H2BC7: variants seen among roughly 807,000 people sequenced by gnomAD.
The protein encoded by H2BC7 is H2B clustered histone 7.
H2BC7 carries 15 observed loss-of-function variants against 6.0 expected under a neutral mutation model. That is an observed-to-expected ratio of 2.48 (90% CI 1.66 to 3.82). H2BC7 has a LOEUF of 3.82. Among genes scored for constraint, H2BC7 ranks in the 30% most tolerant of loss-of-function variants. The pLI, the probability that H2BC7 is intolerant of heterozygous loss-of-function variation, is 0.00. For missense variants in H2BC7, 227 were observed against 169.4 expected (o/e 1.34, Z -1.89); for synonymous variants, 148 against 70.7 (o/e 2.09, Z -5.49).
rs1360264398 is a variant in H2BC7 at position 26,199,739 on chromosome 6, G to A, written c.181G>A (p.Gly61Ser). The change falls in exon 1 of 1, where the codon GGC (glycine) becomes AGC (serine). Residue 61 changes from glycine to serine, a missense_variant. Transcript: ENST00000356530. ...CACCGGCATCTCATCCAAGGCCATG[G>A]GCATCATGAACTCCTTCGTCAACGA... The part of the protein sequence containing the change: ...PDTGISSKAM[G>S]IMNSFVNDIF... 1 of 1,614,100 alleles carries A rather than the reference G, an allele frequency of 6.2e-7. No homozygotes were observed. The highest frequency in any genetic ancestry group is 1.3e-5 in the African/African-American group (1 of 74,938).
rs367933132 is a variant in H2BC7 at position 26,199,750 on chromosome 6, C to G, written c.192C>G (p.Asn64Lys). 6.2e-7 allele frequency: 1 copy of G among 1,614,270 alleles called. No homozygotes were observed. Among genetic ancestry groups the G allele is most frequent in the Non-Finnish European group, 8.5e-7 (1 of 1,180,044 alleles). The change falls in exon 1 of 1, where the codon AAC (asparagine) becomes AAG (lysine). Residue 64 changes from asparagine (N) to lysine (K), a missense_variant. Coordinates refer to ENST00000356530, the MANE Select transcript of H2BC7 (RefSeq NM_003522.4). ...CATCCAAGGCCATGGGCATCATGAA[C>G]TCCTTCGTCAACGATATCTTCGAGC... ...GISSKAMGIM[N>K]SFVNDIFERI...
rs1023705388 is a variant in H2BC7 at position 26,199,709 on chromosome 6, C to T, written c.151C>T (p.Pro51Ser). 3.1e-6 allele frequency: 5 copies of T among 1,614,254 alleles called. No homozygotes were observed. The highest frequency in any genetic ancestry group is 1.1e-5 in the South Asian group (1 of 91,090). Residue 51 changes from proline (P) to serine (S), a missense_variant, in exon 1 of 1, where the codon CCC (proline) becomes TCC (serine). Pro to Ser is a moderately conservative substitution (Grantham distance 74, BLOSUM62 -1). Transcript: ENST00000356530. ...GTACAAGGTGCTAAAGCAGGTCCAC[C>T]CCGACACCGGCATCTCATCCAAGGC... ...YVYKVLKQVH[P>S]DTGISSKAMG... is the part of the protein sequence containing the mutation.
Position 26,199,528 on chromosome 6 carries a change from C to T in H2BC7, c.-31C>T, listed in dbSNP as rs767563869. On this transcript the variant is annotated 5_prime_UTR_variant, in exon 1 of 1. Coordinates refer to ENST00000356530, the MANE Select transcript of H2BC7 (RefSeq NM_003522.4). ...GCAGAGTGAGGACACTTGCATTTCT[C>T]TTTAGGTTGTGGACGAAGTGTTTAT... 5.6e-6 allele frequency: 9 copies of T among 1,604,464 alleles called. No homozygotes were observed. The highest frequency in any genetic ancestry group is 4.4e-5 in the South Asian group (4 of 89,936).
chr6:26,199,600 C>T lies in H2BC7; in HGVS notation c.42C>T (p.Gly14=), dbSNP rs774190934. Residue 14 remains glycine (G), a synonymous_variant, in exon 1 of 1, where the codon GGC becomes GGT. Coordinates refer to ENST00000356530, the MANE Select transcript of H2BC7 (RefSeq NM_003522.4). Reference sequence around the variant, plus strand: ...AGTCCGCTCCTGCTCCAAAAAAGGGCTCCAAAAAGGCGGTGACCAAGGCGC... The same window carrying T: ...AGTCCGCTCCTGCTCCAAAAAAGGGTTCCAAAAAGGCGGTGACCAAGGCGC... ...PAKSAPAPKK[G]SKKAVTKAQK... The T allele has an allele frequency of 1.2e-5, 20 of 1,614,160 alleles. No individual in the cohort carries two copies. The South Asian group carries it at 1.5e-4, about 12-fold the overall frequency.
rs778306518 is a variant in H2BC7, at chr6:26,199,624, G to T, written c.66G>T (p.Ala22=). The T allele has an allele frequency of 6.2e-7, 1 of 1,614,234 alleles. No homozygotes were observed. Among genetic ancestry groups the T allele is most frequent in the Non-Finnish European group, 8.5e-7 (1 of 1,180,042 alleles). The change falls in exon 1 of 1, where the codon GCG becomes GCT. Residue 22 remains alanine, a synonymous_variant. Coordinates refer to ENST00000356530, the MANE Select transcript of H2BC7 (RefSeq NM_003522.4). ...GCTCCAAAAAGGCGGTGACCAAGGC[G>T]CAGAAGAAGGATGGTAAGAAGCGCA... The part of the protein sequence containing the change: ...KKGSKKAVTK[A]QKKDGKKRKR...
In H2BC7 at chr6:26,199,799, C is replaced by T. The variant is rs1765091408; in HGVS notation, c.241C>T (p.Leu81=). ...FERIAGEASR[L]AHYNKRSTIT... ...GCGCATCGCTGGCGAGGCTTCCCGC[C>T]TGGCGCATTACAACAAGCGCTCCAC... The change falls in exon 1 of 1, where the codon CTG becomes TTG. Residue 81 remains leucine (L), a synonymous_variant. Coordinates refer to ENST00000356530, the MANE Select transcript of H2BC7 (RefSeq NM_003522.4). 2.5e-6 allele frequency: 4 copies of T among 1,614,154 alleles called. No individual in the cohort carries two copies. The highest frequency in any genetic ancestry group is 3.4e-6 in the Non-Finnish European group (4 of 1,180,056).
At position 26,199,768 on chromosome 6, in the gene H2BC7, C is replaced by G; in HGVS notation, c.210C>G (p.Ile70Met). Residue 70 changes from isoleucine to methionine, a missense_variant, in exon 1 of 1, where the codon ATC becomes ATG. Ile to Met is a conservative substitution (Grantham distance 10, BLOSUM62 1). Coordinates refer to ENST00000356530, the MANE Select transcript of H2BC7 (RefSeq NM_003522.4). ...MGIMNSFVND[I>M]FERIAGEASR... ...TCATGAACTCCTTCGTCAACGATAT[C>G]TTCGAGCGCATCGCTGGCGAGGCTT... The G allele has an allele frequency of 1.2e-6, 2 of 1,614,270 alleles. No homozygotes were observed. The highest frequency in any genetic ancestry group is 1.6e-4 in the Middle Eastern group (1 of 6,062).
At position 26,199,962 on chromosome 6, in the gene H2BC7, C is replaced by T. The variant is rs774006930; in HGVS notation, c.*23C>T. On this transcript the variant is annotated 3_prime_UTR_variant, in exon 1 of 1. Coordinates refer to ENST00000356530, the MANE Select transcript of H2BC7 (RefSeq NM_003522.4). ...TAATTCTAACGTCTTCATACCCAAT[C>T]CCAAAGGCTCTTTTAAGAGCCACCC... is the stretch of plus-strand genomic sequence containing the variant. The T allele has an allele frequency of 6.2e-6, 10 of 1,610,126 alleles. No individual in the cohort carries two copies. Among genetic ancestry groups the T allele is most frequent in the African/African-American group, 4.0e-5 (3 of 74,594 alleles).
At position 26,199,640 on chromosome 6, in the gene H2BC7, A is replaced by T. The variant is rs1263306640; in HGVS notation, c.82A>T (p.Lys28Ter). Residue 28 changes from lysine (K) to a stop codon, truncating the protein, a stop_gained, in exon 1 of 1, where the codon AAG (lysine) becomes TAG (stop). Coordinates refer to ENST00000356530, the MANE Select transcript of H2BC7 (RefSeq NM_003522.4). LOFTEE classifies it high-confidence loss of function. ...AVTKAQKKDG[K>*]KRKRSRKESY... ...GACCAAGGCGCAGAAGAAGGATGGT[A>T]AGAAGCGCAAGCGTAGCCGCAAGGA... 6.2e-7 allele frequency: 1 copy of T among 1,614,254 alleles called. No homozygotes were observed. Among genetic ancestry groups the T allele is most frequent in the Admixed American group, 1.7e-5 (1 of 60,026 alleles).
In H2BC7 at chr6:26,199,551, T is replaced by C. The variant is rs769430862; in HGVS notation, c.-8T>C. 9.9e-6 allele frequency: 16 copies of C among 1,610,836 alleles called. No homozygotes were observed. Among genetic ancestry groups the C allele is most frequent in the Non-Finnish European group, 4.2e-6 (5 of 1,179,188 alleles). Reference sequence around the variant, plus strand: ...CTCTTTAGGTTGTGGACGAAGTGTTTATTTATCATGCCTGAACCTGCTAAG... The same window carrying C: ...CTCTTTAGGTTGTGGACGAAGTGTTCATTTATCATGCCTGAACCTGCTAAG... On this transcript the variant is annotated 5_prime_UTR_variant, in exon 1 of 1. Coordinates refer to ENST00000356530, the MANE Select transcript of H2BC7 (RefSeq NM_003522.4).
rs973133533 is a variant in H2BC7, at chr6:26,199,681, C to G, written c.123C>G (p.Tyr41Ter). ...KRSRKESYSV[Y>*]VYKVLKQVHP... ...GCCGCAAGGAGAGCTATTCCGTGTA[C>G]GTGTACAAGGTGCTAAAGCAGGTCC... The change falls in exon 1 of 1, where the codon TAC becomes TAG. Residue 41 changes from tyrosine to a stop codon, truncating the protein, a stop_gained. Coordinates refer to ENST00000356530, the MANE Select transcript of H2BC7 (RefSeq NM_003522.4). LOFTEE classifies it high-confidence loss of function. 6.2e-7 allele frequency: 1 copy of G among 1,614,258 alleles called. No individual in the cohort carries two copies. Among genetic ancestry groups the G allele is most frequent in the African/African-American group, 1.3e-5 (1 of 75,062 alleles).
rs932144912 is a variant in H2BC7, at chr6:26,199,623, C to T, written c.65C>T (p.Ala22Val). 4 of 1,614,114 alleles carry T rather than the reference C, an allele frequency of 2.5e-6. No homozygotes were observed. The highest frequency in any genetic ancestry group is 3.3e-5 in the Admixed American group (2 of 60,006). ...KKGSKKAVTKAQKKDGKKRKR... is the reference protein window; with the variant it reads ...KKGSKKAVTKVQKKDGKKRKR... ...GGCTCCAAAAAGGCGGTGACCAAGGCGCAGAAGAAGGATGGTAAGAAGCGC... is the reference window on the plus strand; with the variant it reads ...GGCTCCAAAAAGGCGGTGACCAAGGTGCAGAAGAAGGATGGTAAGAAGCGC... The change falls in exon 1 of 1, where the codon GCG (alanine) becomes GTG (valine). Residue 22 changes from alanine to valine, a missense_variant. Coordinates refer to ENST00000356530, the MANE Select transcript of H2BC7 (RefSeq NM_003522.4).
In H2BC7 at chr6:26,199,625, C is replaced by G. The variant is rs776577443; in HGVS notation, c.67C>G (p.Gln23Glu). 6.2e-7 allele frequency: 1 copy of G among 1,614,240 alleles called. No homozygotes were observed. The highest frequency in any genetic ancestry group is 8.5e-7 in the Non-Finnish European group (1 of 1,180,036). Residue 23 changes from glutamine to glutamate, a missense_variant, in exon 1 of 1, where the codon CAG becomes GAG. Transcript: ENST00000356530. Reference protein sequence around the residue: ...KGSKKAVTKAQKKDGKKRKRS... With the variant: ...KGSKKAVTKAEKKDGKKRKRS... ...CTCCAAAAAGGCGGTGACCAAGGCG[C>G]AGAAGAAGGATGGTAAGAAGCGCAA... is the stretch of plus-strand genomic sequence containing the variant.
Position 26,199,988 on chromosome 6 carries a change from A to G in H2BC7, c.*49A>G. 1 of 1,600,158 alleles carries G rather than the reference A, an allele frequency of 6.2e-7. No homozygotes were observed. The highest frequency in any genetic ancestry group is 8.5e-7 in the Non-Finnish European group (1 of 1,173,878). Reference sequence around the variant, plus strand: ...CCAAAGGCTCTTTTAAGAGCCACCCACTTTTTCAGCTATAGAGTTGTAATT... The same window carrying G: ...CCAAAGGCTCTTTTAAGAGCCACCCGCTTTTTCAGCTATAGAGTTGTAATT... On this transcript the variant is annotated 3_prime_UTR_variant, in exon 1 of 1. Transcript: ENST00000356530.
In H2BC7 at chr6:26,199,867, G is replaced by T. The variant is rs199603482; in HGVS notation, c.309G>T (p.Leu103=). ...REIQTAVRLL[L]PGELAKHAVS... ...TCCAGACGGCCGTACGCCTGCTGCTGCCCGGGGAGCTGGCTAAGCACGCCG... is the reference window on the plus strand; with the variant it reads ...TCCAGACGGCCGTACGCCTGCTGCTTCCCGGGGAGCTGGCTAAGCACGCCG... Residue 103 remains leucine (L), a synonymous_variant, in exon 1 of 1, where the codon CTG becomes CTT. Coordinates refer to ENST00000356530, the MANE Select transcript of H2BC7 (RefSeq NM_003522.4). 6 of 1,614,134 alleles carry T rather than the reference G, an allele frequency of 3.7e-6. No homozygotes were observed. The highest frequency in any genetic ancestry group is 2.7e-5 in the African/African-American group (2 of 74,952).
Position 26,199,975 on chromosome 6 carries a change from T to C in H2BC7, c.*36T>C, listed in dbSNP as rs771578776. The C allele has an allele frequency of 1.2e-6, 2 of 1,605,352 alleles. No homozygotes were observed. Among genetic ancestry groups the C allele is most frequent in the East Asian group, 2.2e-5 (1 of 44,832 alleles). On this transcript the variant is annotated 3_prime_UTR_variant, in exon 1 of 1. Transcript: ENST00000356530. ...TTCATACCCAATCCCAAAGGCTCTT[T>C]TAAGAGCCACCCACTTTTTCAGCTA...
At position 26,199,594 on chromosome 6, in the gene H2BC7, A is replaced by C. The variant is rs41266807; in HGVS notation, c.36A>C (p.Lys12Asn). 6.2e-7 allele frequency: 1 copy of C among 1,614,054 alleles called. No homozygotes were observed. Among genetic ancestry groups the C allele is most frequent in the Non-Finnish European group, 8.5e-7 (1 of 1,179,986 alleles). ...CTGCTAAGTCCGCTCCTGCTCCAAA[A>C]AAGGGCTCCAAAAAGGCGGTGACCA... Reference protein sequence around the residue: ...PEPAKSAPAPKKGSKKAVTKA... With the variant: ...PEPAKSAPAPNKGSKKAVTKA... The change falls in exon 1 of 1, where the codon AAA becomes AAC. Residue 12 changes from lysine to asparagine, a missense_variant. Coordinates refer to ENST00000356530, the MANE Select transcript of H2BC7 (RefSeq NM_003522.4).
Position 26,199,917 on chromosome 6 carries a change from C to A in H2BC7, c.359C>A (p.Thr120Asn), listed in dbSNP as rs1291633716. ...GTGTCAGAGGGCACCAAGGCCGTCA[C>A]CAAGTACACCAGCTCTAAGTAATTC... is the stretch of plus-strand genomic sequence containing the variant. ...HAVSEGTKAV[T>N]KYTSSK The change falls in exon 1 of 1, where the codon ACC becomes AAC. Residue 120 changes from threonine (T) to asparagine (N), a missense_variant. By Grantham distance (65) the Thr-to-Asn change is moderately conservative. Transcript: ENST00000356530. The A allele has an allele frequency of 6.2e-7, 1 of 1,614,090 alleles. No homozygotes were observed. The highest frequency in any genetic ancestry group is 8.5e-7 in the Non-Finnish European group (1 of 1,180,036).
In H2BC7 at chr6:26,199,633, G is replaced by A. The variant is rs748137020; in HGVS notation, c.75G>A (p.Lys25=). ...SKKAVTKAQK[K]DGKKRKRSRK... ...AGGCGGTGACCAAGGCGCAGAAGAA[G>A]GATGGTAAGAAGCGCAAGCGTAGCC... is the stretch of plus-strand genomic sequence containing the variant. The change falls in exon 1 of 1, where the codon AAG becomes AAA. Residue 25 remains lysine (K), a synonymous_variant. Transcript: ENST00000356530. 3 of 1,614,244 alleles carry A rather than the reference G, an allele frequency of 1.9e-6. No individual in the cohort carries two copies. The highest frequency in any genetic ancestry group is 2.2e-5 in the East Asian group (1 of 44,884).
Sources: gnomAD v4.1 joint callset for allele counts on GRCh38, gnomAD v4.1.1 for gene constraint, MANE v1.5 for transcripts, NCBI Gene and HGNC (gene_info 2026-07-23, HGNC 2026-07-21) for gene names.